The following KCND2 variants were observed in gnomAD, a reference collection of about 807,000 sequenced individuals.
KCND2 encodes the protein A-type voltage-gated potassium channel KCND2.
In KCND2, 16 loss-of-function variants were observed where a neutral mutation model predicts 54.4. The observed-to-expected ratio is 0.29, with a 90% CI of 0.20 to 0.45. KCND2 has a LOEUF of 0.45. Among genes scored for constraint, KCND2 ranks in the 20% least tolerant of loss-of-function variants. The pLI, the probability that KCND2 is intolerant of heterozygous loss-of-function variation, is 1.00. For missense variants in KCND2, 486 were observed against 824.2 expected (o/e 0.59, Z 5.02); for synonymous variants, 317 against 310.7 (o/e 1.02, Z -0.21).
chr7:120,652,470 CT>C (rs1284486998), intron 1 of KCND2, among the ~76,000 whole-genome samples: 1 of 152,162 alleles, frequency 6.6e-6, no homozygotes, highest in East Asian at 1.9e-4. Context: ...TCCCCATGCA[CT>C]TTTGTCTCAG....
chr7:120,443,279 C>G (rs1431637144), intron 1 of KCND2, among the ~76,000 whole-genome samples: 1 of 151,670 alleles, frequency 6.6e-6, no homozygotes, highest in African/African-American at 2.4e-5. Flanking sequence ...GTTTCCTCCC[C>G]TTTTCTGGTT....
At position 120,746,172 on chromosome 7, in the gene KCND2, G is replaced by A. The variant is rs1195266265; in HGVS notation, c.1715+145G>A. 4 of 899,304 alleles carry A rather than the reference G, an allele frequency of 4.4e-6. No homozygotes were observed. In the African/African-American group the frequency reaches 6.5e-5, roughly 15 times the overall value. 55.7% of individuals were successfully genotyped at this position (899,304 alleles called of 1,614,324 possible). On this transcript the variant is annotated intron_variant, in intron 5 of 5. Transcript: ENST00000331113. ...ACAAAAATGGTAGCGTAACAAGTAG[G>A]AAAATGGTTCTGCTTGCATATCCAT...
intron 1 of KCND2, among the ~76,000 whole-genome samples, chr7:120,684,017 T>C (rs146468281): frequency 4.3e-4 from 65 of 152,264 alleles, no homozygotes; most frequent in African/African-American, 1.5e-3. Flanking sequence ...CTTGAGCCAT[T>C]GGGATAATAG....
At chr7:120,373,722 T>A (rs1800798243) in intron 1 of KCND2, among the ~76,000 whole-genome samples, 1 of 151,838 alleles carries the variant, frequency 6.6e-6, no homozygotes, top group Non-Finnish European at 1.5e-5. Flanking sequence ...AAAATGTTCA[T>A]GTTAATGAAA....
At chr7:120,431,551 C>T (rs888421560) in intron 1 of KCND2, among the ~76,000 whole-genome samples, 6 of 152,068 alleles carry the variant, frequency 3.9e-5, no homozygotes, top group African/African-American at 1.4e-4. Context: ...GCCTTTTCAG[C>T]ATTCAGGAAT....
chr7:120,280,571 C>G (rs1799245533), intron 1 of KCND2, among the ~76,000 whole-genome samples: 1 of 151,722 alleles, frequency 6.6e-6, no homozygotes, highest in South Asian at 2.1e-4. Flanking sequence ...CTGAACATTC[C>G]TCTCAATTAT....
chr7:120,693,297 G>A (rs557456187), intron 1 of KCND2, among the ~76,000 whole-genome samples: 97 of 152,170 alleles, frequency 6.4e-4, no homozygotes, highest in Middle Eastern at 3.4e-3. Flanking sequence ...AGAGCACCAC[G>A]TACTTCCGCT....
At chr7:120,693,030 A>T (rs1792290661) in intron 1 of KCND2, among the ~76,000 whole-genome samples, 1 of 152,232 alleles carries the variant, frequency 6.6e-6, no homozygotes, top group Non-Finnish European at 1.5e-5. Flanking sequence ...AAAAAAGATG[A>T]GCCAATGAAG....
chr7:120,274,450 G>T lies in KCND2; in HGVS notation c.-183G>T. On this transcript the variant is annotated 5_prime_UTR_variant, in exon 1 of 6. Coordinates refer to ENST00000331113, the MANE Select transcript of KCND2 (RefSeq NM_012281.3). ...ATTATTCCAAATACCTGTCTTGGAG[G>T]GAAAGTTGCCCTTCTGAGAACTGTG... 1 of 706,992 alleles carries T rather than the reference G, an allele frequency of 1.4e-6. No homozygotes were observed. Among genetic ancestry groups the T allele is most frequent in the Non-Finnish European group, 2.5e-6 (1 of 394,702 alleles). 43.8% of individuals were successfully genotyped at this position (706,992 alleles called of 1,614,324 possible).
intron 2 of KCND2, among the ~76,000 whole-genome samples, chr7:120,736,256 T>A (rs888473415): frequency 6.6e-6 from 1 of 152,028 alleles, no homozygotes; most frequent in African/African-American, 2.4e-5. Context: ...CATTTGCAAG[T>A]ACTCTTCCTA....
chr7:120,740,748 T>C, intron 2 of KCND2: 1 of 429,918 alleles, frequency 2.3e-6, no homozygotes, highest in Non-Finnish European at 4.7e-6. Context: ...ACACACAAAA[T>C]GCTTTAAAAA....
intron 1 of KCND2, among the ~76,000 whole-genome samples, chr7:120,660,283 T>C (rs918862076): frequency 6.6e-6 from 1 of 152,242 alleles, no homozygotes; most frequent in Non-Finnish European, 1.5e-5. Context: ...TCCAGTCTTA[T>C]GACTAAAATG....
chr7:120,576,160 T>C (rs1792430372), intron 1 of KCND2, among the ~76,000 whole-genome samples: 1 of 152,158 alleles, frequency 6.6e-6, no homozygotes, highest in South Asian at 2.1e-4. Flanking sequence ...AGTTAGATTT[T>C]ATGCATGCAC....
At chr7:120,488,116 A>C (rs1310719210) in intron 1 of KCND2, among the ~76,000 whole-genome samples, 1 of 152,084 alleles carries the variant, frequency 6.6e-6, no homozygotes, top group Non-Finnish European at 1.5e-5. Flanking sequence ...AATCTCTTGA[A>C]CTAGGGAGGT....
intron 1 of KCND2, among the ~76,000 whole-genome samples, chr7:120,348,036 C>T (rs1185965628): frequency 6.6e-6 from 1 of 152,084 alleles, no homozygotes; most frequent in Non-Finnish European, 1.5e-5. Flanking sequence ...GCTCCACTCT[C>T]ATAAACTAAT....
intron 1 of KCND2, among the ~76,000 whole-genome samples, chr7:120,282,373 A>G (rs10265673): frequency 0.028 from 4,338 of 152,278 alleles, 210 homozygotes; most frequent in African/African-American, 0.099. Context: ...TAGGAGATAG[A>G]TGCAATTTCT....
At chr7:120,278,833 G>A (rs1225040153) in intron 1 of KCND2, among the ~76,000 whole-genome samples, 1 of 151,256 alleles carries the variant, frequency 6.6e-6, no homozygotes, top group Non-Finnish European at 1.5e-5. Context: ...AACATAGAAA[G>A]CACAGTTTAA....
intron 1 of KCND2, among the ~76,000 whole-genome samples, chr7:120,669,591 C>T (rs919467798): frequency 6.6e-6 from 1 of 152,088 alleles, no homozygotes; most frequent in Non-Finnish European, 1.5e-5. Flanking sequence ...CAATTGCTGT[C>T]TCCAACTTTA....
At chr7:120,615,310 T>TATGAATGGAA (rs1443755039) in intron 1 of KCND2, among the ~76,000 whole-genome samples, 1 of 152,178 alleles carries the variant, frequency 6.6e-6, no homozygotes, top group Non-Finnish European at 1.5e-5. Flanking sequence ...CAAGATCCTT[T>TATGAATGGAA]ATGAATGGAA....
Sources: gnomAD v4.1 joint callset for allele counts (sites outside exome capture counted in the v4.1 genomes callset) on GRCh38, gnomAD v4.1.1 for gene constraint, MANE v1.5 for transcripts, NCBI Gene and HGNC (gene_info 2026-07-23, HGNC 2026-07-21) for gene names.